The following NR6A1 variants were observed in gnomAD, a reference collection of about 807,000 sequenced individuals.
NR6A1 encodes retinoic acid receptor-related testis-associated receptor.
NR6A1 carries 7 observed loss-of-function variants against 59.1 expected under a neutral mutation model. The ratio of observed to expected loss-of-function variants is 0.12; its 90% CI spans 0.07 to 0.22. The LOEUF is 0.22. Ranked by LOEUF, NR6A1 falls within the 10% of genes least tolerant of loss-of-function variation. NR6A1 has a pLI of 1.00. For missense variants in NR6A1, 468 were observed against 611.6 expected (o/e 0.77, Z 2.48); for synonymous variants, 243 against 236.1 (o/e 1.03, Z -0.27).
At chr9:124,649,766 T>A (rs895029768) in intron 2 of NR6A1, among the ~76,000 whole-genome samples, 10 of 151,538 alleles carry the variant, frequency 6.6e-5, no homozygotes, top group Admixed American at 2.6e-4. Context: ...CTCCAAATAA[T>A]CCAATTTTAA....
In NR6A1 at chr9:124,595,904, A is replaced by G. The variant is rs2130810042; in HGVS notation, c.143-41334T>C. 4 of 981,128 alleles carry G rather than the reference A, an allele frequency of 4.1e-6. No individual in the cohort carries two copies. In the South Asian group the frequency reaches 5.7e-5, roughly 14 times the overall value. The allele number at this position is 981,128 out of a possible 1,614,324, so 60.8% of individuals were successfully genotyped here. On this transcript the variant is annotated intron_variant, in intron 2 of 9. Coordinates refer to ENST00000487099, the MANE Select transcript of NR6A1 (RefSeq NM_033334.4). ...CCGGGACTACGACAGTCATCCTCAC[A>G]GGTCAGTTTACAAGCTGGTCATGTG...
At chr9:124,535,180 G>A (rs545783070) in intron 7 of NR6A1, among the ~76,000 whole-genome samples, 1 of 152,086 alleles carries the variant, frequency 6.6e-6, no homozygotes, top group African/African-American at 2.4e-5. Context: ...ATGACCCCTA[G>A]GTCTCTTTCT....
chr9:124,758,469 G>A (rs950222486), intron 1 of NR6A1, among the ~76,000 whole-genome samples: 1 of 152,122 alleles, frequency 6.6e-6, no homozygotes, highest in Non-Finnish European at 1.5e-5. Context: ...AAGGAATGAG[G>A]AAAAACTCTA....
chr9:124,543,308 T>C (rs1833502650), intron 4 of NR6A1, among the ~76,000 whole-genome samples: 1 of 152,200 alleles, frequency 6.6e-6, no homozygotes, highest in African/African-American at 2.4e-5. Flanking sequence ...TCTGTTTACC[T>C]ATCTGTTTCT....
chr9:124,687,963 T>C (rs1838395378), intron 2 of NR6A1, among the ~76,000 whole-genome samples: 1 of 152,216 alleles, frequency 6.6e-6, no homozygotes, highest in African/African-American at 2.4e-5. Context: ...CAAAGTTTAA[T>C]TTATAAATTA....
chr9:124,627,951 A>G lies in NR6A1; in HGVS notation c.143-73381T>C, dbSNP rs139576335. 5.4e-3 allele frequency among the ~76,000 whole-genome samples: 797 copies of G among 147,110 alleles called. 7 individuals are homozygous for G. The highest frequency in any genetic ancestry group is 0.019 in the African/African-American group (755 of 39,876). Reference sequence around the variant, plus strand: ...GAAAGTACAGTGGTCCCAAGGAACTATAAATGTAGATGGAAGAAAATACGG... The same window carrying G: ...GAAAGTACAGTGGTCCCAAGGAACTGTAAATGTAGATGGAAGAAAATACGG... On this transcript the variant is annotated intron_variant, in intron 2 of 9. Transcript: ENST00000487099.
At chr9:124,616,619 C>T (rs1250402630) in intron 2 of NR6A1, among the ~76,000 whole-genome samples, 1 of 152,046 alleles carries the variant, frequency 6.6e-6, no homozygotes, top group African/African-American at 2.4e-5. Context: ...TACTTATACA[C>T]ACACATATAT....
chr9:124,700,421 A>G (rs1414015870), intron 2 of NR6A1, among the ~76,000 whole-genome samples: 1 of 151,832 alleles, frequency 6.6e-6, no homozygotes, highest in Non-Finnish European at 1.5e-5. Context: ...GGGTTTCACC[A>G]TGTTGGCAAG....
At chr9:124,676,544 G>C (rs1837967256) in intron 2 of NR6A1, among the ~76,000 whole-genome samples, 1 of 152,100 alleles carries the variant, frequency 6.6e-6, no homozygotes, top group Non-Finnish European at 1.5e-5. Flanking sequence ...ATACTGCCAA[G>C]TTATTAAGAA....
intron 3 of NR6A1, among the ~76,000 whole-genome samples, chr9:124,553,611 C>A (rs1477997234): frequency 8.3e-6 from 1 of 120,166 alleles, no homozygotes; most frequent in East Asian, 2.9e-4. Flanking sequence ...TACTCTTAAT[C>A]CACATCCTCG....
At chr9:124,674,984 C>T (rs1260561277) in intron 2 of NR6A1, among the ~76,000 whole-genome samples, 33 of 152,212 alleles carry the variant, frequency 2.2e-4, no homozygotes, top group Non-Finnish European at 3.5e-4. Flanking sequence ...TGCGTTCTCA[C>T]ATAATTTTTA....
chr9:124,747,746 ACC>A (rs920629846), intron 1 of NR6A1, among the ~76,000 whole-genome samples: 30 of 151,752 alleles, frequency 2.0e-4, no homozygotes, highest in African/African-American at 7.3e-4. Context: ...CCACTTTACC[ACC>A]CTTCCCAACA....
chr9:124,517,787 C>T lies in NR6A1; in HGVS notation c.*4918G>A, dbSNP rs1232346824. On this transcript the variant is annotated 3_prime_UTR_variant, in exon 10 of 10. Coordinates refer to ENST00000487099, the MANE Select transcript of NR6A1 (RefSeq NM_033334.4). ...AGCCCAGACATCACAATGCAGCCAC[C>T]AGCCCCTATGGCAGACCTGGGATGG... 1.3e-5 allele frequency: 2 copies of T among 152,094 alleles called. No individual in the cohort carries two copies. Among genetic ancestry groups the T allele is most frequent in the Non-Finnish European group, 2.9e-5 (2 of 68,044 alleles). 9.4% of individuals were successfully genotyped at this position (152,094 alleles called of 1,614,324 possible).
chr9:124,581,778 C>T (rs896926822), intron 2 of NR6A1, among the ~76,000 whole-genome samples: 2 of 151,992 alleles, frequency 1.3e-5, no homozygotes, highest in African/African-American at 4.8e-5. Context: ...TATGAACAGA[C>T]GCTTCTCAAA....
At chr9:124,523,060 G>A (rs908108584) in intron 9 of NR6A1, among the ~76,000 whole-genome samples, 31 of 152,090 alleles carry the variant, frequency 2.0e-4, no homozygotes, top group Non-Finnish European at 1.3e-4. Context: ...GTGGTTAAAT[G>A]CATTACCTCG....
intron 2 of NR6A1, among the ~76,000 whole-genome samples, chr9:124,651,554 C>T (rs1019854996): frequency 6.6e-6 from 1 of 152,146 alleles, no homozygotes; most frequent in African/African-American, 2.4e-5. Context: ...AAGTACCTAC[C>T]ATAGGGGTTG....
intron 2 of NR6A1, among the ~76,000 whole-genome samples, chr9:124,650,681 C>T (rs1009133773): frequency 2.6e-5 from 4 of 152,176 alleles, no homozygotes; most frequent in Admixed American, 6.5e-5. Flanking sequence ...ATGCATGTAT[C>T]AAAATATCAC....
intron 1 of NR6A1, among the ~76,000 whole-genome samples, chr9:124,736,086 T>G (rs1347221931): frequency 6.6e-6 from 1 of 152,150 alleles, no homozygotes; most frequent in Non-Finnish European, 1.5e-5. Flanking sequence ...AGCATTCACT[T>G]CATGTAAATT....
intron 2 of NR6A1, among the ~76,000 whole-genome samples, chr9:124,616,238 C>G (rs1412414872): frequency 6.6e-6 from 1 of 151,640 alleles, no homozygotes; most frequent in Non-Finnish European, 1.5e-5. Context: ...CCCAACTCTA[C>G]TGAAAATACA....
Sources: allele counts gnomAD v4.1 joint callset (sites outside exome capture counted in the v4.1 genomes callset), GRCh38; gene constraint gnomAD v4.1.1; transcripts MANE v1.5; gene names NCBI Gene and HGNC (gene_info 2026-07-23, HGNC 2026-07-21).